Variants in MECOM observed in about 807,000 individuals in gnomAD.
MECOM encodes MDS1 and EVI1 complex locus.
MECOM carries 13 observed loss-of-function variants against 116.3 expected under a neutral mutation model. That is an observed-to-expected ratio of 0.11 (90% CI 0.07 to 0.18). MECOM has a LOEUF of 0.18. Among genes scored for constraint, MECOM ranks in the 10% least tolerant of loss-of-function variants. MECOM has a pLI of 1.00. For synonymous variants in MECOM, 528 were observed against 535.2 expected, an observed-to-expected ratio of 0.99 and a Z score of 0.19; for missense variants, 1,299 against 1,509.0, an observed-to-expected ratio of 0.86 and a Z score of 2.31.
intron 1 of MECOM, among the ~76,000 whole-genome samples, chr3:169,540,077 T>C (rs1284541177): frequency 6.6e-6 from 1 of 152,148 alleles, no homozygotes; most frequent in East Asian, 1.9e-4. Context: ...ACGCTCTCTC[T>C]TCCTGTGCCA....
chr3:169,528,889 T>TCCAACA (rs1392841259), intron 1 of MECOM, among the ~76,000 whole-genome samples: 6 of 152,212 alleles, frequency 3.9e-5, no homozygotes, highest in Admixed American at 2.0e-4. Flanking sequence ...CTTTCTCTGG[T>TCCAACA]ACCTCTAACA....
At chr3:169,608,981 C>T (rs996777642) in intron 1 of MECOM, among the ~76,000 whole-genome samples, 15 of 152,096 alleles carry the variant, frequency 9.9e-5, no homozygotes, top group African/African-American at 2.7e-4. Context: ...CATCCCATTA[C>T]GCCATCTCAC....
At chr3:169,364,013 C>T (rs1439327377) in intron 2 of MECOM, among the ~76,000 whole-genome samples, 1 of 151,918 alleles carries the variant, frequency 6.6e-6, no homozygotes, top group Non-Finnish European at 1.5e-5. Flanking sequence ...TTCTTAGTGA[C>T]ACATGTTTAT....
intron 1 of MECOM, among the ~76,000 whole-genome samples, chr3:169,420,685 T>C (rs1432451848): frequency 6.6e-6 from 1 of 152,094 alleles, no homozygotes; most frequent in Non-Finnish European, 1.5e-5. Flanking sequence ...TAGGCTTGAC[T>C]CATGACTCAA....
At chr3:169,201,784 A>G (rs192362453) in intron 2 of MECOM, among the ~76,000 whole-genome samples, 1 of 152,274 alleles carries the variant, frequency 6.6e-6, no homozygotes, top group Non-Finnish European at 1.5e-5. Flanking sequence ...ATGGATGAGA[A>G]GGACATTTCA....
intron 2 of MECOM, among the ~76,000 whole-genome samples, chr3:169,164,334 C>T (rs919867506): frequency 7.2e-5 from 11 of 152,162 alleles, no homozygotes; most frequent in African/African-American, 2.4e-4. Context: ...TGACTTGCTC[C>T]TCCTTGCCTT....
At chr3:169,102,748 T>C (rs969407110) in intron 10 of MECOM, among the ~76,000 whole-genome samples, 1 of 152,066 alleles carries the variant, frequency 6.6e-6, no homozygotes. Context: ...AAAAACTAAA[T>C]GTATAGGAGG....
At chr3:169,145,093 G>A in intron 2 of MECOM, 4 of 1,479,834 alleles carry the variant, frequency 2.7e-6, no homozygotes, top group East Asian at 2.5e-5. Context: ...GCAATAAGTC[G>A]TCCCAAAATT....
At chr3:169,625,518 G>A (rs1771261169) in intron 1 of MECOM, among the ~76,000 whole-genome samples, 1 of 152,086 alleles carries the variant, frequency 6.6e-6, no homozygotes, top group African/African-American at 2.4e-5. Context: ...TCAGCCATCG[G>A]GCTGAAACAA....
chr3:169,205,042 GT>G (rs893978208), intron 2 of MECOM, among the ~76,000 whole-genome samples: 1 of 152,130 alleles, frequency 6.6e-6, no homozygotes, highest in African/African-American at 2.4e-5. Context: ...GATGCTATGG[GT>G]TTAAATCACT....
At chr3:169,592,583 C>A (rs761964681) in intron 1 of MECOM, among the ~76,000 whole-genome samples, 2 of 152,196 alleles carry the variant, frequency 1.3e-5, no homozygotes, top group Admixed American at 1.3e-4. Flanking sequence ...TACTGGGTAA[C>A]TTTTATCCAA....
intron 2 of MECOM, among the ~76,000 whole-genome samples, chr3:169,225,511 C>T (rs776026498): frequency 1.6e-4 from 24 of 152,166 alleles, no homozygotes; most frequent in Admixed American, 3.9e-4. Context: ...CACCCTACAC[C>T]AAATTCAAAA....
At chr3:169,350,143 T>A (rs1251830207) in intron 2 of MECOM, among the ~76,000 whole-genome samples, 2 of 152,038 alleles carry the variant, frequency 1.3e-5, no homozygotes, top group Non-Finnish European at 2.9e-5. Flanking sequence ...GTTTATTTGG[T>A]TGTTAGTTGG....
At chr3:169,506,671 C>A (rs1368190768) in intron 1 of MECOM, among the ~76,000 whole-genome samples, 1 of 152,038 alleles carries the variant, frequency 6.6e-6, no homozygotes, top group African/African-American at 2.4e-5. Context: ...ATTTAGGGCA[C>A]CAAAATTAAT....
chr3:169,655,917 C>T (rs1577314664), intron 1 of MECOM, among the ~76,000 whole-genome samples: 1 of 152,150 alleles, frequency 6.6e-6, no homozygotes, highest in South Asian at 2.1e-4. Context: ...CACAGCAGCC[C>T]AAGGAGGGTA....
At chr3:169,170,279 C>T (rs1411009944) in intron 2 of MECOM, among the ~76,000 whole-genome samples, 2 of 151,468 alleles carry the variant, frequency 1.3e-5, no homozygotes, top group African/African-American at 4.9e-5. Context: ...GGTGTGGTGG[C>T]GCATGTAGTC....
chr3:169,239,892 T>G (rs1445352509), intron 2 of MECOM, among the ~76,000 whole-genome samples: 1 of 152,176 alleles, frequency 6.6e-6, no homozygotes, highest in African/African-American at 2.4e-5. Flanking sequence ...ATAAAAGGTT[T>G]GCTGGCTTTA....
At chr3:169,128,914 C>T (rs183860114) in intron 4 of MECOM, among the ~76,000 whole-genome samples, 51 of 152,202 alleles carry the variant, frequency 3.4e-4, no homozygotes, top group Admixed American at 2.3e-3. Context: ...AGCCACACTC[C>T]GCACAGATCA....
intron 1 of MECOM, among the ~76,000 whole-genome samples, chr3:169,649,055 G>T (rs1022317913): frequency 6.6e-6 from 1 of 152,142 alleles, no homozygotes; most frequent in Non-Finnish European, 1.5e-5. Context: ...CAGACCCAAG[G>T]CTTGTATTTC....
Sources: gnomAD v4.1 joint callset for allele counts (sites outside exome capture counted in the v4.1 genomes callset) on GRCh38, gnomAD v4.1.1 for gene constraint, MANE v1.5 for transcripts, NCBI Gene and HGNC (gene_info 2026-07-23, HGNC 2026-07-21) for gene names.